The following HSD17B2 variants were observed in gnomAD, a reference collection of about 807,000 sequenced individuals.
The protein encoded by HSD17B2 is 17-beta-hydroxysteroid dehydrogenase type 2.
Under a neutral mutation model 26.9 loss-of-function variants are expected in HSD17B2, and 32 were observed. That is an observed-to-expected ratio of 1.19 (90% CI 0.90 to 1.60). HSD17B2 has a LOEUF of 1.60. Ranked by LOEUF, HSD17B2 falls within the 40% of genes most tolerant of loss-of-function variation. The pLI is 0.00. For synonymous variants in HSD17B2, 246 were observed against 186.7 expected (o/e 1.32, Z -2.59); for missense variants, 613 against 468.6 (o/e 1.31, Z -2.85).
intron 1 of HSD17B2, among the ~76,000 whole-genome samples, chr16:82,057,195 TTTTC>T (rs1046424938): frequency 6.6e-6 from 1 of 151,176 alleles, no homozygotes; most frequent in African/African-American, 2.4e-5. Flanking sequence ...CCACTTTCTC[TTTTC>T]TTTTCTTTTT....
In HSD17B2 at chr16:82,039,154, A is replaced by G. The variant is rs185595215; in HGVS notation, c.265+3465A>G. Among the ~76,000 whole-genome samples, 169 of 152,128 alleles carry G rather than the reference A, an allele frequency of 1.1e-3. 1 individual carries two copies. The East Asian group carries it at 0.012, about 10-fold the overall frequency. On this transcript the variant is annotated intron_variant, in intron 1 of 4. Transcript: ENST00000199936. ...GGGGGAATAGCATCTTATTTGCTGC[A>G]TCTTTATTACTAGCTGTGTGGACAG...
At chr16:82,082,943 T>C (rs925627783) in intron 3 of HSD17B2, among the ~76,000 whole-genome samples, 1 of 152,212 alleles carries the variant, frequency 6.6e-6, no homozygotes, top group African/African-American at 2.4e-5. Context: ...TAGTTTCATG[T>C]TCTGACTCAC....
At chr16:82,082,744 T>C (rs1479112603) in intron 3 of HSD17B2, among the ~76,000 whole-genome samples, 2 of 152,228 alleles carry the variant, frequency 1.3e-5, no homozygotes, top group Admixed American at 6.5e-5. Flanking sequence ...GCTTGGCATA[T>C]AGTAGACACC....
At position 82,049,732 on chromosome 16, in the gene HSD17B2, C is replaced by G. The variant is rs8191092; in HGVS notation, c.265+14043C>G. Among the ~76,000 whole-genome samples, 35 of 152,330 alleles carry G rather than the reference C, an allele frequency of 2.3e-4. No individual in the cohort carries two copies. The South Asian group carries it at 7.2e-3, about 32-fold the overall frequency. ...ATACAAGAACACCCAAGACTACAAG[C>G]AGTTCATTGTTTTTACAGATAGACT... On this transcript the variant is annotated intron_variant, in intron 1 of 4. Coordinates refer to ENST00000199936, the MANE Select transcript of HSD17B2 (RefSeq NM_002153.3).
At chr16:82,097,097 T>A (rs537343287) in intron 4 of HSD17B2, 1 of 151,698 alleles carries the variant, frequency 6.6e-6, no homozygotes, top group African/African-American at 2.4e-5. Flanking sequence ...AGTCATATAA[T>A]AGCTCACTGC....
At chr16:82,063,970 G>A (rs188850613) in intron 1 of HSD17B2, among the ~76,000 whole-genome samples, 2 of 152,276 alleles carry the variant, frequency 1.3e-5, no homozygotes, top group African/African-American at 2.4e-5. Context: ...ACAAGTGGGG[G>A]CACCTATGAG....
At chr16:82,094,182 C>T (rs1904771806) in intron 4 of HSD17B2, 1 of 152,152 alleles carries the variant, frequency 6.6e-6, no homozygotes, top group Non-Finnish European at 1.5e-5. Flanking sequence ...TGCTTAACCT[C>T]CAGGGAATGC....
intron 4 of HSD17B2, chr16:82,095,369 A>C (rs952276637): frequency 2.0e-5 from 3 of 152,464 alleles, no homozygotes; most frequent in Non-Finnish European, 4.4e-5. Context: ...ACTGGCCTAC[A>C]TTTCCAAGTG....
intron 3 of HSD17B2, among the ~76,000 whole-genome samples, chr16:82,076,603 T>G (rs1008566901): frequency 6.6e-6 from 1 of 152,118 alleles, no homozygotes; most frequent in African/African-American, 2.4e-5. Flanking sequence ...TTAGACAGAG[T>G]CTCGCTCTGT....
chr16:82,060,334 T>C (rs1202811923), intron 1 of HSD17B2, among the ~76,000 whole-genome samples: 1 of 152,112 alleles, frequency 6.6e-6, no homozygotes, highest in Non-Finnish European at 1.5e-5. Flanking sequence ...GGGGTCAGGG[T>C]AGGCTGCATT....
At position 82,071,062 on chromosome 16, in the gene HSD17B2, C is replaced by G; in HGVS notation, c.599C>G (p.Thr200Arg). Reference protein sequence around the residue: ...AVNFFGTVEVTKTFLPLLRKS... With the variant: ...AVNFFGTVEVRKTFLPLLRKS... ...AACTTCTTTGGAACTGTGGAGGTCA[C>G]AAAGACGTTTTTGCCTCTTCTTAGA... Residue 200 changes from threonine to arginine, a missense_variant, in exon 3 of 5, where the codon ACA (threonine) becomes AGA (arginine). By Grantham distance (71) the Thr-to-Arg change is moderately conservative. Transcript: ENST00000199936. 1.2e-6 allele frequency: 2 copies of G among 1,614,196 alleles called. 1 individual carries two copies. The highest frequency in any genetic ancestry group is 2.2e-5 in the South Asian group (2 of 91,082).
chr16:82,092,355 G>GCTCA (rs2142367831), intron 4 of HSD17B2: 1 of 152,198 alleles, frequency 6.6e-6, no homozygotes. Context: ...CTACCCCAAG[G>GCTCA]CTCAGTCTTC....
chr16:82,057,758 G>C (rs961997786), intron 1 of HSD17B2, among the ~76,000 whole-genome samples: 1 of 152,188 alleles, frequency 6.6e-6, no homozygotes, highest in Non-Finnish European at 1.5e-5. Flanking sequence ...CTAATCAGGA[G>C]AAAAGCATCA....
chr16:82,070,105 A>G (rs1914663540), intron 2 of HSD17B2, among the ~76,000 whole-genome samples: 1 of 152,214 alleles, frequency 6.6e-6, no homozygotes, highest in Non-Finnish European at 1.5e-5. Context: ...CTTATACTCC[A>G]GAGGCTTCAA....
In HSD17B2 at chr16:82,035,515, TCAGGG is replaced by T. The variant is rs1265291188; in HGVS notation, c.95_99del (p.Gly32AlafsTer58). 10 of 1,614,038 alleles carry T rather than the reference TCAGGG, an allele frequency of 6.2e-6. No homozygotes were observed. Among genetic ancestry groups the T allele is most frequent in the Non-Finnish European group, 8.5e-6 (10 of 1,180,054 alleles). On this transcript the variant is annotated frameshift_variant, in exon 1 of 5. Coordinates refer to ENST00000199936, the MANE Select transcript of HSD17B2 (RefSeq NM_002153.3). LOFTEE classifies it high-confidence loss of function. The stretch of plus-strand genomic sequence containing the variant: ...AGTATTTTGCAAATACAAGAAGAGC[TCAGGG>T]CAGCTGTGGAGCTGGATGGTCTGCC...
At chr16:82,088,784 C>T (rs1904600963) in intron 3 of HSD17B2, among the ~76,000 whole-genome samples, 1 of 152,198 alleles carries the variant, frequency 6.6e-6, no homozygotes. Flanking sequence ...TGAGAGTCTG[C>T]TTGATGCCAG....
At position 82,050,991 on chromosome 16, in the gene HSD17B2, G is replaced by A. The variant is rs190939630; in HGVS notation, c.265+15302G>A. The stretch of plus-strand genomic sequence containing the variant: ...CTCTAGACAATGCCAAATGCCTCAT[G>A]AGGACAAAATCCCTGCCAACTGATA... On this transcript the variant is annotated intron_variant, in intron 1 of 4. Transcript: ENST00000199936. 3.8e-3 allele frequency among the ~76,000 whole-genome samples: 574 copies of A among 152,282 alleles called. 2 individuals carry two copies. The highest frequency in any genetic ancestry group is 5.8e-3 in the Admixed American group (89 of 15,292).
In HSD17B2 at chr16:82,035,327, TTGACTC is replaced by T; in HGVS notation, c.-96_-91del. On this transcript the variant is annotated 5_prime_UTR_variant, in exon 1 of 5. Coordinates refer to ENST00000199936, the MANE Select transcript of HSD17B2 (RefSeq NM_002153.3). ...TGGGGCTGCTTTCTCCCCTCCCTTC[TTGACTC>T]TCTGTTCACAGAACTCAGGCTGCCT... 1.7e-6 allele frequency: 2 copies of T among 1,192,750 alleles called. No individual in the cohort carries two copies. The highest frequency in any genetic ancestry group is 2.1e-5 in the Admixed American group (1 of 47,748). The allele number at this position is 1,192,750 out of a possible 1,614,324, so 73.9% of individuals were successfully genotyped here.
chr16:82,060,069 G>A (rs1015123281), intron 1 of HSD17B2, among the ~76,000 whole-genome samples: 3 of 152,174 alleles, frequency 2.0e-5, no homozygotes, highest in Non-Finnish European at 2.9e-5. Context: ...TTGACCTCAG[G>A]GCAGTCCTAA....
Sources: gnomAD v4.1 joint callset for allele counts (sites outside exome capture counted in the v4.1 genomes callset) on GRCh38, gnomAD v4.1.1 for gene constraint, MANE v1.5 for transcripts, NCBI Gene and HGNC (gene_info 2026-07-23, HGNC 2026-07-21) for gene names.